TAB2: variants seen among roughly 807,000 people sequenced by gnomAD.
The protein encoded by TAB2 is TGF-beta-activated kinase 1 and MAP3K7-binding protein 2.
In TAB2, 3 loss-of-function variants were observed where a neutral mutation model predicts 65.0. The observed-to-expected ratio is 0.05, with a 90% CI of 0.02 to 0.12. The LOEUF (loss-of-function observed/expected upper bound fraction) is 0.12, where lower values mean the gene tolerates loss of function less well. TAB2 is among the 10% of genes least tolerant of loss of function. The pLI, the probability that TAB2 is intolerant of heterozygous loss-of-function variation, is 1.00. For missense variants in TAB2, 623 were observed against 840.3 expected (o/e 0.74, Z 3.20); for synonymous variants, 298 against 285.1 (o/e 1.05, Z -0.46).
chr6:149,341,375 T>C (rs1021709503), intron 1 of TAB2, among the ~76,000 whole-genome samples: 4 of 152,184 alleles, frequency 2.6e-5, no homozygotes, highest in African/African-American at 9.6e-5. Context: ...TACCTAGTTG[T>C]TGCTTTAGCA....
At chr6:149,282,591 G>A (rs1778594030) in intron 1 of TAB2, among the ~76,000 whole-genome samples, 1 of 152,164 alleles carries the variant, frequency 6.6e-6, no homozygotes, top group African/African-American at 2.4e-5. Context: ...AATCATACAA[G>A]TATATTCTCT....
chr6:149,338,806 A>G (rs187098236), intron 1 of TAB2, among the ~76,000 whole-genome samples: 2 of 152,344 alleles, frequency 1.3e-5, no homozygotes, highest in Non-Finnish European at 2.9e-5. Flanking sequence ...CATGGAACCA[A>G]ACCTGGAAAA....
chr6:149,295,232 A>G (rs573456591), intron 1 of TAB2, among the ~76,000 whole-genome samples: 6 of 152,340 alleles, frequency 3.9e-5, no homozygotes, highest in African/African-American at 1.2e-4. Flanking sequence ...ACTTGGCCCC[A>G]TTATCTCTCC....
At chr6:149,308,096 C>T (rs1334379467) in intron 1 of TAB2, among the ~76,000 whole-genome samples, 1 of 152,114 alleles carries the variant, frequency 6.6e-6, no homozygotes, top group Admixed American at 6.5e-5. Flanking sequence ...ACCAATGCAC[C>T]ATAATTTAAC....
At chr6:149,322,743 G>T (rs1456680743) in intron 1 of TAB2, among the ~76,000 whole-genome samples, 1 of 152,148 alleles carries the variant, frequency 6.6e-6, no homozygotes, top group Admixed American at 6.5e-5. Flanking sequence ...TCCAATTCAT[G>T]TAAATACTTT....
At chr6:149,237,773 C>T (rs997295128) in intron 1 of TAB2, among the ~76,000 whole-genome samples, 4 of 152,178 alleles carry the variant, frequency 2.6e-5, no homozygotes, top group Non-Finnish European at 4.4e-5. Context: ...GGCCATCTGC[C>T]GAGCATAGTG....
chr6:149,358,640 C>CTGTGTGTGTGTGTGTGTGTGTG (rs370116039), intron 1 of TAB2, among the ~76,000 whole-genome samples: 19,050 of 121,246 alleles, frequency 0.16, 1,976 homozygotes, highest in Middle Eastern at 0.2. Flanking sequence ...CTTCAGAACT[C>CTGTGTGTGTGTGTGTGTGTGTG]TGTGTGTGTG....
chr6:149,365,454 T>C (rs938883936), intron 1 of TAB2, among the ~76,000 whole-genome samples: 11 of 152,270 alleles, frequency 7.2e-5, no homozygotes, highest in South Asian at 2.1e-4. Flanking sequence ...TCAGCACTTA[T>C]ATTATGTCAT....
In TAB2 at chr6:149,299,325, A is replaced by G. The variant is rs1778931240; in HGVS notation, c.-120-78693A>G. ...AATGGCTCACGCCCGTAATCCCAGC[A>G]CTTTGGGAGGCTGAGGCAGGCAGAT... On this transcript the variant is annotated intron_variant, in intron 1 of 1. Transcript: ENST00000606202. Among the ~76,000 whole-genome samples, 4 of 152,212 alleles carry G rather than the reference A, an allele frequency of 2.6e-5. No individual in the cohort carries two copies. The South Asian group carries it at 8.3e-4, about 31-fold the overall frequency.
chr6:149,329,103 A>G (rs1779707527), intron 1 of TAB2, among the ~76,000 whole-genome samples: 2 of 152,208 alleles, frequency 1.3e-5, no homozygotes, highest in South Asian at 4.1e-4. Flanking sequence ...GAGCATCGAG[A>G]TACCTGTATA....
intron 6 of TAB2, chr6:149,400,556 G>T: frequency 1.2e-6 from 2 of 1,614,230 alleles, no homozygotes; most frequent in African/African-American, 2.7e-5. Flanking sequence ...GATTGTCAGT[G>T]AAGCAGATCA....
intron 6 of TAB2, 28 bp downstream of exon 6, chr6:149,399,212 T>C (rs372451845): frequency 3.7e-5 from 60 of 1,602,764 alleles, no homozygotes; most frequent in Non-Finnish European, 5.0e-5. Context: ...ATGTGAAAAC[T>C]GTTACTTTTG....
chr6:149,339,381 AAAAG>A (rs1780030854), intron 1 of TAB2, among the ~76,000 whole-genome samples: 4 of 147,428 alleles, frequency 2.7e-5, no homozygotes, highest in East Asian at 2.7e-4. Flanking sequence ...AAAAATGAAA[AAAAG>A]AAAAAAAATC....
intron 1 of TAB2, among the ~76,000 whole-genome samples, chr6:149,340,838 C>T (rs757609547): frequency 2.0e-5 from 3 of 152,108 alleles, no homozygotes; most frequent in Non-Finnish European, 4.4e-5. Context: ...AGAGAATACA[C>T]TTAAAACAAC....
intron 3 of TAB2, among the ~76,000 whole-genome samples, chr6:149,386,119 A>G (rs1420393038): frequency 6.6e-6 from 1 of 152,204 alleles, no homozygotes; most frequent in African/African-American, 2.4e-5. Flanking sequence ...TTCTTAAAGC[A>G]GGAACACACT....
intron 1 of TAB2, among the ~76,000 whole-genome samples, chr6:149,330,679 GT>G: frequency 6.6e-6 from 1 of 152,200 alleles, no homozygotes; most frequent in Admixed American, 6.5e-5. Context: ...CTATATCCAA[GT>G]CCTTTGTTGA....
At chr6:149,246,104 A>G (rs1433276535) in intron 1 of TAB2, 1 of 152,200 alleles carries the variant, frequency 6.6e-6, no homozygotes, top group Non-Finnish European at 1.5e-5. Context: ...TTTTTAGTGG[A>G]GACAGGGTTT....
intron 1 of TAB2, among the ~76,000 whole-genome samples, chr6:149,282,185 A>G (rs1227702149): frequency 6.6e-6 from 1 of 152,054 alleles, no homozygotes; most frequent in Non-Finnish European, 1.5e-5. Context: ...ATGTCATTTT[A>G]TATGATAAAG....
At chr6:149,267,892 C>A (rs557185359) in intron 1 of TAB2, among the ~76,000 whole-genome samples, 1 of 152,116 alleles carries the variant, frequency 6.6e-6, no homozygotes, top group Non-Finnish European at 1.5e-5. Context: ...TATAACCTTA[C>A]GGGACCACTG....
Sources: gnomAD v4.1 joint callset for allele counts (sites outside exome capture counted in the v4.1 genomes callset) on GRCh38, gnomAD v4.1.1 for gene constraint, MANE v1.5 for transcripts, NCBI Gene and HGNC (gene_info 2026-07-23, HGNC 2026-07-21) for gene names.